Variants in EIF2S2 observed in about 807,000 individuals in gnomAD.
The protein encoded by EIF2S2 is eukaryotic translation initiation factor 2 subunit beta, also known as eukaryotic translation initiation factor 2 subunit 2.
A neutral mutation model predicts 44.0 loss-of-function variants in EIF2S2; 4 were observed. The observed-to-expected ratio is 0.09, with a 90% CI of 0.04 to 0.21. The LOEUF (loss-of-function observed/expected upper bound fraction) is 0.21. Ranked by LOEUF, EIF2S2 falls within the 10% of genes least tolerant of loss-of-function variation. EIF2S2 has a pLI of 1.00. For missense variants in EIF2S2, 154 were observed against 392.0 expected (o/e 0.39, Z 5.13); for synonymous variants, 108 against 128.3 (o/e 0.84, Z 1.07).
chr20:34,096,977 T>C (rs1188960345), intron 5 of EIF2S2, among the ~76,000 whole-genome samples, 172 bp from the exon 6 acceptor site: 1 of 152,190 alleles, frequency 6.6e-6, no homozygotes, highest in African/African-American at 2.4e-5. Flanking sequence ...CAACCAGCAT[T>C]TGGTTCATTA....
intron 3 of EIF2S2, among the ~76,000 whole-genome samples, chr20:34,101,675 CTTTT>C (rs891453441): frequency 2.3e-5 from 3 of 132,402 alleles, no homozygotes; most frequent in African/African-American, 2.8e-5. Flanking sequence ...AAGTATTTTT[CTTTT>C]TTTTTTTTTT....
chr20:34,095,870 G>A (rs1433987507), intron 6 of EIF2S2, among the ~76,000 whole-genome samples: 2 of 152,184 alleles, frequency 1.3e-5, no homozygotes, highest in African/African-American at 4.8e-5. Context: ...AGAACAAAGA[G>A]TGGATAAACT....
At chr20:34,100,057 C>A (rs1021313514) in intron 3 of EIF2S2, among the ~76,000 whole-genome samples, 3 of 152,188 alleles carry the variant, frequency 2.0e-5, no homozygotes, top group Non-Finnish European at 4.4e-5. Context: ...CTCTGTAACT[C>A]AGGCTGGAGT....
rs2034129948 is a variant in EIF2S2, at chr20:34,089,096, T to C, written c.*634A>G. 1 of 152,674 alleles carries C rather than the reference T, an allele frequency of 6.5e-6. No individual in the cohort carries two copies. Among genetic ancestry groups the C allele is most frequent in the Non-Finnish European group, 1.5e-5 (1 of 68,106 alleles). 9.5% of individuals were successfully genotyped at this position (152,674 alleles called of 1,614,324 possible). A position where few individuals can be genotyped will look rare whatever the true frequency, so the allele number is the denominator to read the frequency against. ...AGGGTACCTAGCACCTTGTATTCCC[T>C]CATGTGGTAACAGCTGGGGGAGGAC... On this transcript the variant is annotated 3_prime_UTR_variant, in exon 9 of 9. Coordinates refer to ENST00000374980, the MANE Select transcript of EIF2S2 (RefSeq NM_003908.5).
At chr20:34,091,738 A>T (rs2034165958) in intron 7 of EIF2S2, among the ~76,000 whole-genome samples, 2 of 113,028 alleles carry the variant, frequency 1.8e-5, no homozygotes, top group East Asian at 3.2e-4. Flanking sequence ...AAAAAACCCC[A>T]TTGGATTGTA....
At chr20:34,095,505 G>C (rs2034217723) in intron 6 of EIF2S2, among the ~76,000 whole-genome samples, 1 of 152,130 alleles carries the variant, frequency 6.6e-6, no homozygotes, top group Admixed American at 6.5e-5. Context: ...GTAGAGCCGG[G>C]GTTTCACTAT....
chr20:34,107,990 G>A (rs2034368661), intron 1 of EIF2S2, among the ~76,000 whole-genome samples: 1 of 152,262 alleles, frequency 6.6e-6, no homozygotes, highest in East Asian at 1.9e-4. Flanking sequence ...AATAATACAG[G>A]GAAGTAGCTA....
At chr20:34,099,311 C>G (rs557481761) in intron 3 of EIF2S2, among the ~76,000 whole-genome samples, 18 of 151,142 alleles carry the variant, frequency 1.2e-4, no homozygotes, top group Non-Finnish European at 2.4e-4. Flanking sequence ...GAGTTGAGAT[C>G]GTGCCACCGC....
intron 6 of EIF2S2, 141 bp from the exon 7 acceptor site, chr20:34,093,872 T>C (rs1392858497): frequency 2.7e-6 from 2 of 743,404 alleles, no homozygotes; most frequent in East Asian, 2.8e-5. Flanking sequence ...AACTTTGAAA[T>C]AAAGATACAG....
chr20:34,102,694 T>C (rs1212758137), intron 3 of EIF2S2, among the ~76,000 whole-genome samples: 1 of 152,210 alleles, frequency 6.6e-6, no homozygotes, highest in Admixed American at 6.5e-5. Context: ...GTTGTGTGTG[T>C]GCGCGCTCTA....
At chr20:34,110,434 T>C (rs2122445217) in intron 1 of EIF2S2, among the ~76,000 whole-genome samples, 1 of 152,334 alleles carries the variant, frequency 6.6e-6, no homozygotes, top group African/African-American at 2.4e-5. Context: ...ACTAACTTTC[T>C]GCATGATCTT....
In EIF2S2 at chr20:34,089,923, C is replaced by A. The variant is rs1402196710; in HGVS notation, c.827-18G>T. The A allele has an allele frequency of 1.2e-6, 2 of 1,613,088 alleles. No homozygotes were observed. Among genetic ancestry groups the A allele is most frequent in the Admixed American group, 1.7e-5 (1 of 59,812 alleles). On this transcript the variant is annotated intron_variant, in intron 8 of 8. Transcript: ENST00000374980. ...ATATTCCTCTGCAAATAAAGCAACACACAGAATTACCTGGTGGCTGCAGTG... is the reference window on the plus strand; with the variant it reads ...ATATTCCTCTGCAAATAAAGCAACAAACAGAATTACCTGGTGGCTGCAGTG...
At chr20:34,106,794 G>A (rs1364789820) in intron 1 of EIF2S2, among the ~76,000 whole-genome samples, 1 of 152,104 alleles carries the variant, frequency 6.6e-6, no homozygotes, top group African/African-American at 2.4e-5. Context: ...TTTATAATTT[G>A]TAGACTATCT....
chr20:34,099,237 C>T (rs1243455917), intron 3 of EIF2S2, among the ~76,000 whole-genome samples: 1 of 152,018 alleles, frequency 6.6e-6, no homozygotes, highest in East Asian at 1.9e-4. Flanking sequence ...GATGTGGTGG[C>T]AGGCACCTGT....
chr20:34,090,754 T>C (rs75912699), intron 7 of EIF2S2, 152 bp from the exon 8 acceptor site: 5,846 of 460,698 alleles, frequency 0.013, 64 homozygotes, highest in Non-Finnish European at 0.018. Context: ...TCCCAAAATT[T>C]ATTTATTTAT....
intron 1 of EIF2S2, among the ~76,000 whole-genome samples, chr20:34,111,296 A>C (rs1385541181): frequency 6.6e-6 from 1 of 152,224 alleles, no homozygotes; most frequent in Non-Finnish European, 1.5e-5. Flanking sequence ...GCCTCCCCCA[A>C]TGTTAAGCAA....
chr20:34,107,301 C>G (rs1475495729), intron 1 of EIF2S2, among the ~76,000 whole-genome samples: 3 of 152,152 alleles, frequency 2.0e-5, no homozygotes, highest in Non-Finnish European at 4.4e-5. Context: ...TGCTTAAATT[C>G]AGCATTTTGC....
chr20:34,098,678 CTTTT>C lies in EIF2S2; in HGVS notation c.298-49_298-46del, dbSNP rs552339198. On this transcript the variant is annotated intron_variant, in intron 3 of 8. Transcript: ENST00000374980. Reference sequence around the variant, plus strand: ...CTGAACATTTGATACTGGGACTATTCTTTTTTATTTATTTTATTACATTTTCTGT... The same window carrying C: ...CTGAACATTTGATACTGGGACTATTCTTATTTATTTTATTACATTTTCTGT... 6,794 of 1,581,140 alleles carry C rather than the reference CTTTT, an allele frequency of 4.3e-3. 25 individuals carry two copies. The highest frequency in any genetic ancestry group is 5.1e-3 in the Non-Finnish European group (5,982 of 1,167,308).
chr20:34,108,207 C>A (rs1019585225), intron 1 of EIF2S2: 1 of 152,144 alleles, frequency 6.6e-6, no homozygotes, highest in Non-Finnish European at 1.5e-5. Context: ...CAGAAGACAG[C>A]CTCACAAGTG....
Sources: allele counts gnomAD v4.1 joint callset (sites outside exome capture counted in the v4.1 genomes callset), GRCh38; gene constraint gnomAD v4.1.1; transcripts MANE v1.5; gene names NCBI Gene and HGNC (gene_info 2026-07-23, HGNC 2026-07-21).